Variants in NARF observed in about 807,000 individuals in gnomAD.
NARF encodes the protein nuclear prelamin A recognition factor.
NARF carries 41 observed loss-of-function variants against 48.0 expected under a neutral mutation model. That is an observed-to-expected ratio of 0.85 (90% CI 0.66 to 1.11). The LOEUF is 1.11. NARF is among the 50% of genes least tolerant of loss of function. The pLI is 0.00. For missense variants in NARF, 613 were observed against 590.2 expected (o/e 1.04, Z -0.40); for synonymous variants, 215 against 225.5 (o/e 0.95, Z 0.42).
At chr17:82,464,500 C>G in intron 3 of NARF, 70 bp downstream of exon 3, 1 of 1,533,162 alleles carries the variant, frequency 6.5e-7, no homozygotes, top group Non-Finnish European at 8.8e-7. Context: ...GGCCTGGCTT[C>G]CTGCACAGAA....
intron 1 of NARF, chr17:82,459,306 G>A (rs2043371067): frequency 2.0e-6 from 1 of 488,700 alleles, no homozygotes. Context: ...CGCACGCAGG[G>A]GGGTTTTGTA....
intron 4 of NARF, among the ~76,000 whole-genome samples, chr17:82,472,231 C>G (rs2043727279): frequency 1.3e-5 from 2 of 152,128 alleles, no homozygotes; most frequent in South Asian, 4.1e-4. Flanking sequence ...GCCTGTAATT[C>G]CAGCACTCTG....
intron 7 of NARF, 101 bp from the exon 8 acceptor site, chr17:82,483,615 G>C: frequency 9.6e-7 from 1 of 1,042,730 alleles, no homozygotes; most frequent in South Asian, 1.3e-5. Flanking sequence ...TTTCATAAGA[G>C]GGAGGTCACC....
chr17:82,464,506 C>A, intron 3 of NARF, 76 bp downstream of exon 3: 1 of 1,497,874 alleles, frequency 6.7e-7, no homozygotes, highest in Non-Finnish European at 9.0e-7. Flanking sequence ...GCTTCCTGCA[C>A]AGAAGCCTCT....
chr17:82,479,535 CCT>C (rs2043912311), intron 6 of NARF, among the ~76,000 whole-genome samples: 1 of 152,212 alleles, frequency 6.6e-6, no homozygotes, highest in Non-Finnish European at 1.5e-5. Flanking sequence ...CCCAGAACTC[CCT>C]GATGTCTCCA....
chr17:82,472,949 T>A (rs1342705129), intron 5 of NARF, among the ~76,000 whole-genome samples: 1 of 142,526 alleles, frequency 7.0e-6, no homozygotes, highest in African/African-American at 3.0e-5. Context: ...ATTTTTATTA[T>A]TTTTTTTTTG....
intron 5 of NARF, among the ~76,000 whole-genome samples, chr17:82,474,885 T>C (rs926688550): frequency 2.0e-5 from 3 of 152,222 alleles, no homozygotes; most frequent in African/African-American, 7.2e-5. Flanking sequence ...AGTGACTTCT[T>C]TCAGCTGTAT....
In NARF at chr17:82,464,569, G is replaced by A. The variant is rs1347954666; in HGVS notation, c.252+139G>A. 2.3e-5 allele frequency: 25 copies of A among 1,105,654 alleles called. No homozygotes were observed. In the South Asian group the frequency reaches 3.7e-4, roughly 16 times the overall value. The allele number at this position is 1,105,654 out of a possible 1,614,324, so 68.5% of individuals were successfully genotyped here. A position where few individuals can be genotyped will look rare whatever the true frequency, so the allele number is the denominator to read the frequency against. ...CTTTTCCTGGTGTTGCTAACATCCT[G>A]CTTTGACCTTCCAAACCTCTCCATC... On this transcript the variant is annotated intron_variant, in intron 3 of 10. Transcript: ENST00000309794.
At chr17:82,468,994 A>G (rs1441773881) in intron 4 of NARF, 98 bp downstream of exon 4, 35 of 1,359,606 alleles carry the variant, frequency 2.6e-5, no homozygotes, top group African/African-American at 4.4e-5. Flanking sequence ...AGGGTAGATA[A>G]GCAACTTCCA....
At position 82,488,436 on chromosome 17, in the gene NARF, C is replaced by T. The variant is rs903159310; in HGVS notation, c.*279C>T. 7.5e-5 allele frequency: 26 copies of T among 344,378 alleles called. No individual in the cohort carries two copies. The highest frequency in any genetic ancestry group is 7.9e-5 in the Non-Finnish European group (15 of 189,266). The allele number at this position is 344,378 out of a possible 1,614,324, so 21.3% of individuals were successfully genotyped here. On this transcript the variant is annotated 3_prime_UTR_variant, in exon 11 of 11. Transcript: ENST00000309794. ...TGTCACCCAGGCTGGAGTGCAATGG[C>T]GCAATCTCAGCTCACTGCAACCTCT... is the stretch of plus-strand genomic sequence containing the variant.
At chr17:82,476,982 C>T (rs2043846913) in intron 5 of NARF, 1 of 151,884 alleles carries the variant, frequency 6.6e-6, no homozygotes, top group African/African-American at 2.4e-5. Context: ...CCACCCGCCT[C>T]GGCCTCCCAA....
At chr17:82,468,701 G>A (rs1176140266) in intron 3 of NARF, 63 bp from the exon 4 acceptor site, 4 of 1,522,548 alleles carry the variant, frequency 2.6e-6, no homozygotes, top group Non-Finnish European at 3.6e-6. Context: ...TCTCATTAAG[G>A]TGTGTAACTT....
chr17:82,475,678 A>G (rs1398305284), intron 5 of NARF, among the ~76,000 whole-genome samples: 1 of 152,210 alleles, frequency 6.6e-6, no homozygotes, highest in Non-Finnish European at 1.5e-5. Context: ...TGGCTGGAGA[A>G]GAGAAAGGAT....
At chr17:82,461,476 T>C (rs1010442506) in intron 2 of NARF, among the ~76,000 whole-genome samples, 1 of 152,244 alleles carries the variant, frequency 6.6e-6, no homozygotes, top group East Asian at 1.9e-4. Flanking sequence ...CTGGGCGTGG[T>C]GGTGCATGCC....
rs141729644 is a variant in NARF, at chr17:82,480,258, G to T, written c.640-824G>T. ...GGTGGGCATCGCTTGGGAAGATTCA[G>T]GAAAGTCTGTGGGTGAAGTAGCCAG... On this transcript the variant is annotated intron_variant, in intron 6 of 10. Transcript: ENST00000309794. 3.6e-3 allele frequency: 1,407 copies of T among 393,834 alleles called. 23 individuals are homozygous for T. Among genetic ancestry groups the T allele is most frequent in the African/African-American group, 0.026 (1,257 of 48,472 alleles). 24.4% of individuals were successfully genotyped at this position (393,834 alleles called of 1,614,324 possible).
rs746771411 is a variant in NARF at position 82,488,115 on chromosome 17, G to T, written c.1329G>T (p.Gln443His). 1 of 1,614,026 alleles carries T rather than the reference G, an allele frequency of 6.2e-7. No homozygotes were observed. The highest frequency in any genetic ancestry group is 8.5e-7 in the Non-Finnish European group (1 of 1,180,022). Residue 443 changes from glutamine to histidine, a missense_variant, in exon 11 of 11, where the codon CAG becomes CAT. Transcript: ENST00000309794. ...GAGAGGTGCTGCATACCACGTACCAGAGCCAGGAGCGTGGCACACACAGCC... is the reference window on the plus strand; with the variant it reads ...GAGAGGTGCTGCATACCACGTACCATAGCCAGGAGCGTGGCACACACAGCC... ...KAREVLHTTY[Q>H]SQERGTHSLD...
chr17:82,473,210 G>A (rs2043755070), intron 5 of NARF, among the ~76,000 whole-genome samples: 1 of 152,010 alleles, frequency 6.6e-6, no homozygotes, highest in Admixed American at 6.6e-5. Flanking sequence ...CAAAGTGCTG[G>A]GATTACAGGC....
At chr17:82,467,567 AACCTCCATTTCACTTCAACCTCC>A (rs2043599287) in intron 3 of NARF, among the ~76,000 whole-genome samples, 2 of 151,996 alleles carry the variant, frequency 1.3e-5, no homozygotes, top group South Asian at 4.1e-4. Context: ...AGCTCACTGC[AACCTCCATTTCACTTCAACCTCC>A]ACCTCCCGGG....
intron 7 of NARF, chr17:82,482,138 C>G: frequency 3.2e-6 from 1 of 308,050 alleles, no homozygotes; most frequent in South Asian, 2.4e-5. Flanking sequence ...TTTAATTGGT[C>G]TCTGAAAACA....
Sources: gnomAD v4.1 joint callset for allele counts (sites outside exome capture counted in the v4.1 genomes callset) on GRCh38, gnomAD v4.1.1 for gene constraint, MANE v1.5 for transcripts, NCBI Gene and HGNC (gene_info 2026-07-23, HGNC 2026-07-21) for gene names.